The following GLDC variants were observed in gnomAD, a reference collection of about 807,000 sequenced individuals.
GLDC encodes the protein glycine dehydrogenase (decarboxylating), mitochondrial.
GLDC carries 104 observed loss-of-function variants against 121.3 expected under a neutral mutation model. The observed-to-expected ratio is 0.86, with a 90% CI of 0.73 to 1.01. GLDC has a LOEUF of 1.01. GLDC is among the 50% of genes least tolerant of loss of function. GLDC has a pLI of 0.00. For synonymous variants in GLDC, 546 were observed against 480.6 expected (o/e 1.14, Z -1.78); for missense variants, 1,429 against 1,306.6 (o/e 1.09, Z -1.44).
At chr9:6,539,092 C>G (rs1274244062) in intron 22 of GLDC, among the ~76,000 whole-genome samples, 8 of 152,094 alleles carry the variant, frequency 5.3e-5, no homozygotes, top group Non-Finnish European at 1.0e-4. Flanking sequence ...TCAGAGAGGA[C>G]TCCATATCCA....
chr9:6,611,317 G>T (rs1274013876), intron 3 of GLDC, among the ~76,000 whole-genome samples: 1 of 152,172 alleles, frequency 6.6e-6, no homozygotes, highest in African/African-American at 2.4e-5. Context: ...ATTTTACTTG[G>T]GAGGTCAAGG....
Position 6,553,364 on chromosome 9 carries a change from T to G in GLDC, c.2457+4A>C. 1 of 1,613,908 alleles carries G rather than the reference T, an allele frequency of 6.2e-7. No individual in the cohort carries two copies. Among genetic ancestry groups the G allele is most frequent in the Non-Finnish European group, 8.5e-7 (1 of 1,179,910 alleles). ...GCACACCTGCACATACTCCCAGGCC[T>G]CACCTTGATATAAGCCCAGGAAATG... On this transcript the variant is annotated splice_donor_region_variant and intron_variant, in intron 20 of 24. Transcript: ENST00000321612.
intron 4 of GLDC, among the ~76,000 whole-genome samples, chr9:6,609,686 G>A (rs1345118346): frequency 1.4e-5 from 2 of 141,954 alleles, no homozygotes; most frequent in Non-Finnish European, 3.0e-5. Flanking sequence ...CCCTGCTCCC[G>A]CCCTCTGCCC....
At chr9:6,534,895 G>C (rs766592308) in intron 23 of GLDC, 107 bp from the exon 24 acceptor site, 1 of 715,984 alleles carries the variant, frequency 1.4e-6, no homozygotes, top group Non-Finnish European at 2.6e-6. Flanking sequence ...GGCAGAGAAA[G>C]CTGTTGTTTT....
intron 20 of GLDC, among the ~76,000 whole-genome samples, chr9:6,551,474 A>G (rs1449605029): frequency 6.6e-6 from 1 of 152,184 alleles, no homozygotes; most frequent in Non-Finnish European, 1.5e-5. Flanking sequence ...GACTGCACCA[A>G]TTCTTATGGC....
intron 2 of GLDC, among the ~76,000 whole-genome samples, chr9:6,629,958 T>TGTGTGTA: frequency 5.1e-5 from 4 of 78,656 alleles, no homozygotes; most frequent in African/African-American, 2.4e-4. Flanking sequence ...TATATATATA[T>TGTGTGTA]TTTTTTTTTT....
chr9:6,541,191 T>A (rs1432956908), intron 21 of GLDC: 2 of 152,246 alleles, frequency 1.3e-5, no homozygotes, highest in African/African-American at 4.8e-5. Flanking sequence ...AGGTCCAGGC[T>A]GCCAGTAGCT....
In GLDC at chr9:6,553,410, C is replaced by G; in HGVS notation, c.2415G>C (p.Trp805Cys). 6.2e-7 allele frequency: 1 copy of G among 1,614,000 alleles called. No individual in the cohort carries two copies. The highest frequency in any genetic ancestry group is 8.5e-7 in the Non-Finnish European group (1 of 1,179,904). Residue 805 changes from tryptophan to cysteine, a missense_variant, in exon 20 of 25, where the codon TGG becomes TGC. Transcript: ENST00000321612. Reference sequence around the variant, plus strand: ...AAATGGGCAAGATGGAACTGGAGCCCCATGGGGCCGCACTGACGGTTCCCA... The same window carrying G: ...AAATGGGCAAGATGGAACTGGAGCCGCATGGGGCCGCACTGACGGTTCCCA... Reference protein sequence around the residue: ...CPVGTVSAAPWGSSSILPISW... With the variant: ...CPVGTVSAAPCGSSSILPISW...
At chr9:6,563,679 C>G (rs1234997965) in intron 16 of GLDC, among the ~76,000 whole-genome samples, 1 of 152,222 alleles carries the variant, frequency 6.6e-6, no homozygotes, top group Non-Finnish European at 1.5e-5. Flanking sequence ...CCTTAGAAAG[C>G]TGAGAATTCA....
At chr9:6,584,561 T>C (rs1159250706) in intron 15 of GLDC, among the ~76,000 whole-genome samples, 1 of 152,222 alleles carries the variant, frequency 6.6e-6, no homozygotes, top group African/African-American at 2.4e-5. Flanking sequence ...AAATCACTTA[T>C]ATATGGAATA....
At chr9:6,543,859 A>T (rs1182542289) in intron 21 of GLDC, among the ~76,000 whole-genome samples, 1 of 151,668 alleles carries the variant, frequency 6.6e-6, no homozygotes, top group Admixed American at 6.6e-5. Flanking sequence ...TACAGCTGAG[A>T]AGGTACCACG....
intron 2 of GLDC, among the ~76,000 whole-genome samples, chr9:6,640,848 C>T (rs1310971973): frequency 6.6e-6 from 1 of 152,188 alleles, no homozygotes; most frequent in Non-Finnish European, 1.5e-5. Flanking sequence ...TGAATACCTA[C>T]ACTGCAGAAA....
At chr9:6,623,943 G>C (rs925907074) in intron 2 of GLDC, among the ~76,000 whole-genome samples, 1 of 152,214 alleles carries the variant, frequency 6.6e-6, no homozygotes, top group African/African-American at 2.4e-5. Context: ...CTTCAATTAT[G>C]ATCCTGTGCA....
At chr9:6,590,021 C>G (rs13297203) in intron 11 of GLDC, among the ~76,000 whole-genome samples, 31,122 of 151,082 alleles carry the variant, frequency 0.21, 3,679 homozygotes, top group Admixed American at 0.28. Flanking sequence ...TGCCACTGCA[C>G]GCCACCCTGG....
intron 15 of GLDC, among the ~76,000 whole-genome samples, chr9:6,578,667 G>T (rs1475513685): frequency 6.6e-6 from 1 of 152,048 alleles, no homozygotes; most frequent in Non-Finnish European, 1.5e-5. Context: ...AGCCCCCAAA[G>T]TAGCTGGGAC....
chr9:6,537,094 A>G (rs1179887353), intron 22 of GLDC, among the ~76,000 whole-genome samples: 1 of 149,828 alleles, frequency 6.7e-6, no homozygotes, highest in Non-Finnish European at 1.5e-5. Context: ...GCACTGGCAC[A>G]CTCACGGCTC....
rs144666843 is a variant in GLDC at position 6,588,393 on chromosome 9, C to T, written c.1707+8G>A. 9,886 of 1,603,864 alleles carry T rather than the reference C, an allele frequency of 6.2e-3. 52 individuals carry two copies. The highest frequency in any genetic ancestry group is 7.2e-3 in the Non-Finnish European group (8,439 of 1,170,734). ...CTGAGTATCCACTTACAGAAGTGAG[C>T]TACTTACTGCGAGTTCAGACGAACT... On this transcript the variant is annotated splice_region_variant and intron_variant, in intron 14 of 24. Coordinates refer to ENST00000321612, the MANE Select transcript of GLDC (RefSeq NM_000170.3).
At chr9:6,582,765 G>A (rs544184178) in intron 15 of GLDC, among the ~76,000 whole-genome samples, 1 of 151,444 alleles carries the variant, frequency 6.6e-6, no homozygotes, top group Non-Finnish European at 1.5e-5. Flanking sequence ...GGAGGCGATC[G>A]TTGCAGTGAG....
intron 3 of GLDC, among the ~76,000 whole-genome samples, chr9:6,612,249 T>TCACA (rs1348451536): frequency 7.9e-5 from 10 of 125,914 alleles, no homozygotes; most frequent in African/African-American, 2.2e-4. Context: ...TCTCTCTCTC[T>TCACA]CTCTCACACA....
Sources: allele counts gnomAD v4.1 joint callset (sites outside exome capture counted in the v4.1 genomes callset), GRCh38; gene constraint gnomAD v4.1.1; transcripts MANE v1.5; gene names NCBI Gene and HGNC (gene_info 2026-07-23, HGNC 2026-07-21).